Variants in TMTC3 observed in about 807,000 individuals in gnomAD.
TMTC3 encodes protein O-mannosyl-transferase TMTC3.
A neutral mutation model predicts 92.2 loss-of-function variants in TMTC3; 52 were observed. The observed-to-expected ratio is 0.56, with a 90% CI of 0.45 to 0.71. The LOEUF (loss-of-function observed/expected upper bound fraction) is 0.71, where lower values mean the gene tolerates loss of function less well. Among genes scored for constraint, TMTC3 ranks in the 30% least tolerant of loss-of-function variants. The pLI is 0.00. For missense variants in TMTC3, 896 were observed against 1,057.1 expected, an observed-to-expected ratio of 0.85 and a Z score of 2.11; for synonymous variants, 339 against 363.3, an observed-to-expected ratio of 0.93 and a Z score of 0.76.
At position 88,153,405 on chromosome 12, in the gene TMTC3, G is replaced by A. The variant is rs1279807055; in HGVS notation, c.304G>A (p.Val102Met). The A allele has an allele frequency of 1.5e-5, 24 of 1,613,268 alleles. No individual in the cohort carries two copies. Among genetic ancestry groups the A allele is most frequent in the Non-Finnish European group, 2.0e-5 (23 of 1,179,484 alleles). The change falls in exon 3 of 14, where the codon GTG (valine) becomes ATG (methionine). Residue 102 changes from valine (V) to methionine (M), a missense_variant. Transcript: ENST00000266712. ...YHLLNMIFHA[V>M]VSVIFLKVCK... is the part of the protein sequence containing the mutation. ...TCTCCTGAATATGATTTTTCATGCT[G>A]TGGTTAGTGTGATATTTCTCAAAGT...
chr12:88,174,867 T>C, intron 9 of TMTC3, 140 bp downstream of exon 9: 1 of 1,119,446 alleles, frequency 8.9e-7, no homozygotes, highest in South Asian at 1.4e-5. Flanking sequence ...ATGAAAATAA[T>C]TTGTTGTTTA....
At chr12:88,183,348 C>T (rs191641545) in intron 10 of TMTC3, among the ~76,000 whole-genome samples, 135 of 152,204 alleles carry the variant, frequency 8.9e-4, no homozygotes, top group Admixed American at 2.3e-3. Context: ...TTATAAGTGC[C>T]GAAAGTAATG....
intron 11 of TMTC3, among the ~76,000 whole-genome samples, chr12:88,190,158 A>C (rs552644064): frequency 6.6e-6 from 1 of 152,194 alleles, no homozygotes; most frequent in Non-Finnish European, 1.5e-5. Flanking sequence ...ATCCTCAAAA[A>C]TGTAAATAAA....
At chr12:88,179,411 C>A (rs2041292906) in intron 10 of TMTC3, among the ~76,000 whole-genome samples, 1 of 152,080 alleles carries the variant, frequency 6.6e-6, no homozygotes, top group Non-Finnish European at 1.5e-5. Context: ...AGTTTTCTAT[C>A]TATAAATTTG....
At chr12:88,154,211 G>A (rs1193429874) in intron 3 of TMTC3, 77 bp from the exon 4 acceptor site, 4 of 1,033,260 alleles carry the variant, frequency 3.9e-6, no homozygotes, top group African/African-American at 1.7e-5. Context: ...GGAAATTAAA[G>A]TATTTTTACC....
intron 6 of TMTC3, among the ~76,000 whole-genome samples, chr12:88,161,384 C>T (rs913680524): frequency 5.3e-5 from 8 of 152,050 alleles, no homozygotes; most frequent in Admixed American, 1.3e-4. Context: ...AGCTGTCTTT[C>T]GTTAGTGTTA....
chr12:88,157,538 T>G (rs1259610807), intron 4 of TMTC3, among the ~76,000 whole-genome samples: 3 of 152,070 alleles, frequency 2.0e-5, no homozygotes, highest in African/African-American at 7.2e-5. Context: ...CTATTTTTAT[T>G]TCCCTTCATC....
At chr12:88,164,531 T>C (rs912815303) in intron 6 of TMTC3, among the ~76,000 whole-genome samples, 2 of 152,232 alleles carry the variant, frequency 1.3e-5, no homozygotes, top group Non-Finnish European at 2.9e-5. Context: ...ATACCTCTTA[T>C]ACAGTTTTTT....
Position 88,197,390 on chromosome 12 carries a change from T to G in TMTC3, c.*1741T>G, listed in dbSNP as rs2041527153. ...CTAATTTCAGTTCTTAGGTTATGGC[T>G]TGTGACTCCAGATAAAAGATGGAGA... On this transcript the variant is annotated 3_prime_UTR_variant, in exon 14 of 14. Coordinates refer to ENST00000266712, the MANE Select transcript of TMTC3 (RefSeq NM_181783.4). 1 of 151,916 alleles carries G rather than the reference T, an allele frequency of 6.6e-6. No homozygotes were observed. Among genetic ancestry groups the G allele is most frequent in the Admixed American group, 6.6e-5 (1 of 15,178 alleles). 9.4% of individuals were successfully genotyped at this position (151,916 alleles called of 1,614,324 possible).
chr12:88,184,128 C>T (rs753685468), intron 10 of TMTC3, among the ~76,000 whole-genome samples: 45 of 152,110 alleles, frequency 3.0e-4, no homozygotes, highest in Non-Finnish European at 1.2e-4. Context: ...TAGGGGACCG[C>T]ATGGCTCAGC....
intron 10 of TMTC3, among the ~76,000 whole-genome samples, chr12:88,178,343 A>C (rs2041281488): frequency 6.6e-6 from 1 of 152,128 alleles, no homozygotes; most frequent in South Asian, 2.1e-4. Flanking sequence ...GTACTTCCTT[A>C]CTTCTTTGCC....
chr12:88,192,205 CTGT>C (rs762471192), intron 12 of TMTC3, among the ~76,000 whole-genome samples: 13 of 151,656 alleles, frequency 8.6e-5, no homozygotes, highest in Non-Finnish European at 1.8e-4. Flanking sequence ...TCTTCTAATG[CTGT>C]TATTTTGTCA....
chr12:88,195,494 A>T lies in TMTC3; in HGVS notation c.2590A>T (p.Asn864Tyr). Reference protein sequence around the residue: ...RQTQIVKTSDNKSQSKSNKQL... With the variant: ...RQTQIVKTSDYKSQSKSNKQL... ...AACACAAATAGTAAAAACAAGTGAT[A>T]ATAAAAGTCAGTCTAAATCCAACAA... Residue 864 changes from asparagine to tyrosine, a missense_variant, in exon 14 of 14, where the codon AAT becomes TAT. By Grantham distance (143) the Asn-to-Tyr change is moderately radical (BLOSUM62 -2). Transcript: ENST00000266712. 1 of 1,613,232 alleles carries T rather than the reference A, an allele frequency of 6.2e-7. No homozygotes were observed. Among genetic ancestry groups the T allele is most frequent in the Non-Finnish European group, 8.5e-7 (1 of 1,179,682 alleles).
chr12:88,174,503 TA>T (rs2041238497), intron 8 of TMTC3, 103 bp from the exon 9 acceptor site: 1 of 1,280,918 alleles, frequency 7.8e-7, no homozygotes, highest in Non-Finnish European at 1.1e-6. Flanking sequence ...TAACATATGA[TA>T]TTTTAGGAGC....
chr12:88,198,584 G>A lies in TMTC3; in HGVS notation c.*2935G>A, dbSNP rs1592757623. 3 of 393,238 alleles carry A rather than the reference G, an allele frequency of 7.6e-6. No homozygotes were observed. The highest frequency in any genetic ancestry group is 1.4e-4 in the South Asian group (1 of 6,992). 24.4% of individuals were successfully genotyped at this position (393,238 alleles called of 1,614,324 possible). On this transcript the variant is annotated 3_prime_UTR_variant, in exon 14 of 14. Coordinates refer to ENST00000266712, the MANE Select transcript of TMTC3 (RefSeq NM_181783.4). ...TTGGTAACTTGGAGAGTAAAATAAC[G>A]TATTTTGCTTTTCAATTTTGTGTTT...
chr12:88,160,023 A>T (rs1009383630), intron 4 of TMTC3, 91 bp from the exon 5 acceptor site: 58 of 785,920 alleles, frequency 7.4e-5, no homozygotes, highest in Admixed American at 1.0e-4. Flanking sequence ...TAGCACTCAT[A>T]TGGATATGGA....
At chr12:88,144,350 G>A (rs1345809663) in intron 1 of TMTC3, among the ~76,000 whole-genome samples, 1 of 151,992 alleles carries the variant, frequency 6.6e-6, no homozygotes, top group Non-Finnish European at 1.5e-5. Context: ...ACACTATGCT[G>A]ACTACTGCGT....
chr12:88,177,149 A>G (rs1565953665), intron 10 of TMTC3, among the ~76,000 whole-genome samples: 1 of 152,002 alleles, frequency 6.6e-6, no homozygotes, highest in Non-Finnish European at 1.5e-5. Flanking sequence ...AACATGGTGA[A>G]ACCCCATCTC....
intron 4 of TMTC3, among the ~76,000 whole-genome samples, chr12:88,156,684 TA>T (rs1203023581): frequency 1.1e-5 from 1 of 88,590 alleles, no homozygotes; most frequent in Non-Finnish European, 2.4e-5. Flanking sequence ...CAGGAGAGGA[TA>T]AAACAAAAGT....
Sources: allele counts gnomAD v4.1 joint callset (sites outside exome capture counted in the v4.1 genomes callset), GRCh38; gene constraint gnomAD v4.1.1; transcripts MANE v1.5; gene names NCBI Gene and HGNC (gene_info 2026-07-23, HGNC 2026-07-21).